IQGAP2: variants seen among roughly 807,000 people sequenced by gnomAD.
The protein encoded by IQGAP2 is ras GTPase-activating-like protein IQGAP2.
A neutral mutation model predicts 201.3 loss-of-function variants in IQGAP2; 173 were observed. The ratio of observed to expected loss-of-function variants is 0.86; its 90% confidence interval spans 0.76 to 0.98. The LOEUF (loss-of-function observed/expected upper bound fraction) is 0.98, where lower values mean the gene tolerates loss of function less well. IQGAP2 is among the 50% of genes least tolerant of loss of function. IQGAP2 has a pLI of 0.00. For synonymous variants in IQGAP2, 675 were observed against 673.9 expected, an observed-to-expected ratio of 1.00 and a Z score of -0.03; for missense variants, 1,687 against 1,864.8, an observed-to-expected ratio of 0.90 and a Z score of 1.76.
chr5:76,436,551 A>T (rs2150098644), intron 1 of IQGAP2, among the ~76,000 whole-genome samples: 1 of 41,146 alleles, frequency 2.4e-5, no homozygotes, highest in Admixed American at 3.9e-4. Context: ...TTTTTTTTTG[A>T]GACAGAGTCT....
chr5:76,619,548 A>G (rs1414824231), intron 13 of IQGAP2, among the ~76,000 whole-genome samples: 9 of 126,372 alleles, frequency 7.1e-5, no homozygotes, highest in African/African-American at 2.5e-4. Flanking sequence ...AGACAGTCTC[A>G]CTCTGTCGCC....
chr5:76,511,686 G>T (rs1284648538), intron 2 of IQGAP2, among the ~76,000 whole-genome samples: 54 of 141,360 alleles, frequency 3.8e-4, no homozygotes, highest in South Asian at 8.9e-4. Flanking sequence ...GTTTTGTTTT[G>T]TTTTTTTTTT....
At chr5:76,633,407 A>G (rs1387866277) in intron 15 of IQGAP2, among the ~76,000 whole-genome samples, 1 of 152,192 alleles carries the variant, frequency 6.6e-6, no homozygotes, top group African/African-American at 2.4e-5. Context: ...TTCTGCATAT[A>G]AGGCTTGCAT....
In IQGAP2 at chr5:76,485,978, A is replaced by AT. The variant is rs1438705478; in HGVS notation, c.146+24314dup. ...AGCACATACAATTTTTCTGGTTTTA[A>AT]TTTTTGTAAAAACTTGATCCTTGAT... On this transcript the variant is annotated intron_variant, in intron 2 of 35. Transcript: ENST00000274364. Among the ~76,000 whole-genome samples the AT allele has an allele frequency of 3.3e-5, 5 of 152,196 alleles. No homozygotes were observed. The South Asian group carries it at 1.0e-3, about 32-fold the overall frequency.
intron 30 of IQGAP2, among the ~76,000 whole-genome samples, chr5:76,690,061 C>T (rs1430498615): frequency 6.6e-6 from 1 of 152,166 alleles, no homozygotes; most frequent in African/African-American, 2.4e-5. Flanking sequence ...GATACCTCCT[C>T]ATTCAGGGAG....
chr5:76,503,112 T>G (rs1757372122), intron 2 of IQGAP2, among the ~76,000 whole-genome samples: 2 of 152,048 alleles, frequency 1.3e-5, no homozygotes. Flanking sequence ...TCAGATTGAC[T>G]TTTTAATTAT....
intron 5 of IQGAP2, among the ~76,000 whole-genome samples, chr5:76,576,273 G>T (rs1745468931): frequency 6.6e-6 from 1 of 152,114 alleles, no homozygotes; most frequent in Non-Finnish European, 1.5e-5. Flanking sequence ...GGATAAAGAA[G>T]AAACATAGTA....
At chr5:76,499,166 T>G (rs549059614) in intron 2 of IQGAP2, among the ~76,000 whole-genome samples, 124 of 152,320 alleles carry the variant, frequency 8.1e-4, no homozygotes, top group Non-Finnish European at 1.6e-3. Flanking sequence ...TATGATTGTC[T>G]TAACACAAGA....
chr5:76,595,793 AG>A (rs1481879399), intron 9 of IQGAP2, among the ~76,000 whole-genome samples: 2 of 151,756 alleles, frequency 1.3e-5, no homozygotes, highest in African/African-American at 4.8e-5. Context: ...AGAGAGAGAG[AG>A]AGAGAAAACA....
intron 2 of IQGAP2, among the ~76,000 whole-genome samples, chr5:76,507,799 C>T (rs1262780189): frequency 6.6e-6 from 1 of 150,510 alleles, no homozygotes; most frequent in African/African-American, 2.4e-5. Context: ...ATCATAAGGT[C>T]AGGAGTTCAA....
At chr5:76,637,332 T>A (rs1751228504) in intron 16 of IQGAP2, among the ~76,000 whole-genome samples, 156 bp downstream of exon 16, 1 of 152,234 alleles carries the variant, frequency 6.6e-6, no homozygotes, top group Admixed American at 6.5e-5. Flanking sequence ...TGAATGTGGC[T>A]GCATTGTTAC....
At chr5:76,693,161 T>C (rs1746424856) in intron 30 of IQGAP2, among the ~76,000 whole-genome samples, 194 bp from the exon 31 acceptor site, 2 of 152,228 alleles carry the variant, frequency 1.3e-5, no homozygotes, top group African/African-American at 4.8e-5. Context: ...AGCCCAGACT[T>C]TGATTATCAA....
chr5:76,453,204 G>T (rs935445008), intron 1 of IQGAP2, among the ~76,000 whole-genome samples: 5 of 152,106 alleles, frequency 3.3e-5, no homozygotes. Context: ...ATGAGCCACC[G>T]CACCCAGCCT....
chr5:76,465,566 T>C (rs10054147), intron 2 of IQGAP2, among the ~76,000 whole-genome samples: 29,848 of 152,080 alleles, frequency 0.2, 3,082 homozygotes, highest in Middle Eastern at 0.29. Context: ...GGCATCCAGG[T>C]TAGAAAGGAA....
intron 1 of IQGAP2, among the ~76,000 whole-genome samples, chr5:76,447,463 TA>T (rs1224071045): frequency 3.9e-5 from 6 of 151,914 alleles, no homozygotes; most frequent in Non-Finnish European, 8.8e-5. Context: ...TTCATTCTAT[TA>T]AATCTTGTAA....
intron 2 of IQGAP2, among the ~76,000 whole-genome samples, chr5:76,474,596 G>A (rs1379347043): frequency 6.6e-6 from 1 of 152,120 alleles, no homozygotes; most frequent in African/African-American, 2.4e-5. Context: ...TTCCCATCGT[G>A]TGATTTGTAA....
intron 1 of IQGAP2, among the ~76,000 whole-genome samples, chr5:76,461,024 G>GC (rs1561388827): frequency 6.6e-6 from 1 of 151,552 alleles, no homozygotes; most frequent in Non-Finnish European, 1.5e-5. Context: ...GACTACAGGT[G>GC]CCCCCCACCA....
At chr5:76,700,235 T>A (rs895511433) in intron 33 of IQGAP2, among the ~76,000 whole-genome samples, 2 of 152,146 alleles carry the variant, frequency 1.3e-5, no homozygotes, top group African/African-American at 4.8e-5. Flanking sequence ...TGTCGTGTGA[T>A]CTTGAGCCCA....
chr5:76,631,242 C>T (rs1047645037), intron 14 of IQGAP2, among the ~76,000 whole-genome samples: 2 of 152,058 alleles, frequency 1.3e-5, no homozygotes, highest in Admixed American at 6.6e-5. Flanking sequence ...CTTAGGCAAC[C>T]AAGAGTTTAA....
Sources: allele counts gnomAD v4.1 joint callset (sites outside exome capture counted in the v4.1 genomes callset), GRCh38; gene constraint gnomAD v4.1.1; transcripts MANE v1.5; gene names NCBI Gene and HGNC (gene_info 2026-07-23, HGNC 2026-07-21).